Variants in TNR observed in about 807,000 individuals in gnomAD.
TNR encodes tenascin-R.
A neutral mutation model predicts 150.4 loss-of-function variants in TNR; 45 were observed. That is an observed-to-expected ratio of 0.30 (90% confidence interval 0.24 to 0.38). TNR has a LOEUF of 0.38. Ranked by LOEUF, TNR falls within the 10% of genes least tolerant of loss-of-function variation. The pLI, the probability that TNR is intolerant of heterozygous loss-of-function variation, is 1.00. For missense variants in TNR, 1,544 were observed against 1,759.1 expected (o/e 0.88, Z 2.19); for synonymous variants, 687 against 678.4 (o/e 1.01, Z -0.20).
rs1197267240 is a variant in TNR at position 175,365,883 on chromosome 1, G to A, written c.2309C>T (p.Ala770Val). ...RQQSLESTVD[A>V]FTGFRPISHL... ...TTCTGCTGCTCTGGTACCTGTGAAAGCATCCACAGTGGACTCCAAGCTCTG... is the reference window on the plus strand; with the variant it reads ...TTCTGCTGCTCTGGTACCTGTGAAAACATCCACAGTGGACTCCAAGCTCTG... The change falls in exon 11 of 23, where the codon GCT becomes GTT. Residue 770 changes from alanine (A) to valine (V), a missense_variant. Physicochemically the swap from Ala to Val is moderately conservative, Grantham distance 64 (BLOSUM62 0). This residue lies in a region of TNR where 1,254 missense variants were observed against 1,329.4 expected (regional missense o/e 0.94). Transcript: ENST00000367674. The A allele has an allele frequency of 6.2e-7, 1 of 1,613,576 alleles. No homozygotes were observed.
chr1:175,630,137 A>G (rs1664280094), intron 1 of TNR, among the ~76,000 whole-genome samples: 1 of 152,170 alleles, frequency 6.6e-6, no homozygotes, highest in Non-Finnish European at 1.5e-5. Context: ...TTGCAGGTGG[A>G]AGACTCCAGG....
At chr1:175,546,987 C>T (rs1660716088) in intron 1 of TNR, among the ~76,000 whole-genome samples, 1 of 152,194 alleles carries the variant, frequency 6.6e-6, no homozygotes, top group South Asian at 2.1e-4. Flanking sequence ...TTCCCCCTTC[C>T]TTCTTTCCTT....
chr1:175,660,733 T>C (rs1011211488), intron 1 of TNR, among the ~76,000 whole-genome samples: 9 of 152,174 alleles, frequency 5.9e-5, no homozygotes, highest in African/African-American at 1.9e-4. Flanking sequence ...ATAGAGCTAC[T>C]GTTGGATTAT....
intron 6 of TNR, among the ~76,000 whole-genome samples, chr1:175,391,864 T>G (rs894091247): frequency 6.6e-6 from 1 of 152,244 alleles, no homozygotes; most frequent in Non-Finnish European, 1.5e-5. Context: ...TGTGTTTGTG[T>G]GTAAACATCT....
At chr1:175,623,821 T>C (rs1664058162) in intron 1 of TNR, among the ~76,000 whole-genome samples, 1 of 152,206 alleles carries the variant, frequency 6.6e-6, no homozygotes, top group Non-Finnish European at 1.5e-5. Context: ...CCCCCCATAC[T>C]ACAGAGGAGC....
chr1:175,428,220 A>C (rs1655102632), intron 2 of TNR, among the ~76,000 whole-genome samples: 1 of 152,206 alleles, frequency 6.6e-6, no homozygotes. Flanking sequence ...CAGATCTAGA[A>C]GATAATTTGG....
intron 2 of TNR, among the ~76,000 whole-genome samples, chr1:175,497,525 C>A (rs1309301460): frequency 6.6e-6 from 1 of 152,196 alleles, no homozygotes; most frequent in Non-Finnish European, 1.5e-5. Context: ...AAAGGGCAAT[C>A]AAATAGTCAT....
chr1:175,680,081 C>A (rs1665983506), intron 1 of TNR, among the ~76,000 whole-genome samples: 1 of 152,208 alleles, frequency 6.6e-6, no homozygotes, highest in South Asian at 2.1e-4. Context: ...AGCCAACAAC[C>A]ACCCAGCTGC....
At chr1:175,705,346 A>G (rs572298113) in intron 1 of TNR, among the ~76,000 whole-genome samples, 156 of 152,312 alleles carry the variant, frequency 1.0e-3, no homozygotes, top group African/African-American at 3.5e-3. Context: ...TTCTTTTGTC[A>G]AAAATTAAAA....
rs543260628 is a variant in TNR at position 175,340,641 on chromosome 1, C to T, written c.3383-2962G>A. On this transcript the variant is annotated intron_variant, in intron 18 of 22. Transcript: ENST00000367674. Reference sequence around the variant, plus strand: ...ACTGAATCAGAATATCAGGGGATGGCGCAGGGAATCAGTGTTTTACTGAAG... The same window carrying T: ...ACTGAATCAGAATATCAGGGGATGGTGCAGGGAATCAGTGTTTTACTGAAG... 9.2e-5 allele frequency among the ~76,000 whole-genome samples: 14 copies of T among 152,288 alleles called. No individual in the cohort carries two copies. In the South Asian group the frequency reaches 2.3e-3, roughly 25 times the overall value.
intron 1 of TNR, among the ~76,000 whole-genome samples, chr1:175,645,723 A>C (rs1434499307): frequency 6.6e-6 from 1 of 152,244 alleles, no homozygotes; most frequent in Non-Finnish European, 1.5e-5. Flanking sequence ...AGCCAACAAG[A>C]GTCAGGGAGA....
At chr1:175,382,667 C>A (rs956810552) in intron 8 of TNR, among the ~76,000 whole-genome samples, 1 of 152,114 alleles carries the variant, frequency 6.6e-6, no homozygotes, top group African/African-American at 2.4e-5. Flanking sequence ...ACAGGGAGGC[C>A]GAGGCGGGCA....
intron 18 of TNR, 31 bp from the exon 19 acceptor site, chr1:175,337,710 G>A (rs1650315220): frequency 6.2e-7 from 1 of 1,610,728 alleles, no homozygotes; most frequent in Admixed American, 1.7e-5. Context: ...GTCCAGAAAG[G>A]ATTCTTTCTC....
intron 1 of TNR, among the ~76,000 whole-genome samples, chr1:175,598,226 G>A (rs530062113): frequency 5.3e-4 from 81 of 152,270 alleles, no homozygotes; most frequent in South Asian, 1.7e-3. Flanking sequence ...ATGCAAATGC[G>A]AGGTGTTTTC....
At position 175,599,081 on chromosome 1, in the gene TNR, G is replaced by C. The variant is rs577408057; in HGVS notation, c.-164-70712C>G. On this transcript the variant is annotated intron_variant, in intron 1 of 22. Transcript: ENST00000367674. The surrounding 1 kb of genome is among the most constrained non-coding windows in gnomAD (Gnocchi z 4.7). ...TGACGGAGAGGCAGGGTGGAGCTGC[G>C]GTCTCCAGACTCCATTCCAGCCTCT... is the stretch of plus-strand genomic sequence containing the variant. Among the ~76,000 whole-genome samples the C allele has an allele frequency of 2.6e-5, 4 of 152,284 alleles. No homozygotes were observed. Among genetic ancestry groups the C allele is most frequent in the African/African-American group, 9.6e-5 (4 of 41,554 alleles).
chr1:175,720,184 G>A (rs186674484), intron 1 of TNR, among the ~76,000 whole-genome samples: 103 of 152,326 alleles, frequency 6.8e-4, no homozygotes, highest in African/African-American at 2.3e-3. Flanking sequence ...GGTCATAAGG[G>A]TAGGGCTCTG....
intron 1 of TNR, among the ~76,000 whole-genome samples, chr1:175,733,693 G>A (rs1302257430): frequency 6.6e-6 from 1 of 152,110 alleles, no homozygotes; most frequent in Non-Finnish European, 1.5e-5. Flanking sequence ...ACCCTACTCG[G>A]AACAGATCAG....
At chr1:175,330,478 T>G in intron 20 of TNR, 2 of 351,944 alleles carry the variant, frequency 5.7e-6, no homozygotes, top group Non-Finnish European at 1.0e-5. Context: ...GGGGTTCTAA[T>G]ACCTCCTCTT....
chr1:175,640,348 A>T (rs1215224654), intron 1 of TNR, among the ~76,000 whole-genome samples: 3 of 152,196 alleles, frequency 2.0e-5, no homozygotes, highest in Non-Finnish European at 4.4e-5. Context: ...AAGGGCAATG[A>T]GCTCCTCAAG....
Sources: allele counts gnomAD v4.1 joint callset (sites outside exome capture counted in the v4.1 genomes callset), GRCh38; gene constraint gnomAD v4.1.1; regional missense constraint gnomAD v4.1.1; non-coding constraint Gnocchi (gnomAD v3.1); transcripts MANE v1.5; gene names NCBI Gene and HGNC (gene_info 2026-07-23, HGNC 2026-07-21).